The following GTF2E1 variants were observed in gnomAD, a reference collection of about 807,000 sequenced individuals.
GTF2E1 encodes the protein TFIIE alpha subunit.
GTF2E1 carries 14 observed loss-of-function variants against 34.9 expected under a neutral mutation model. That is an observed-to-expected ratio of 0.40 (90% CI 0.27 to 0.63). The LOEUF (loss-of-function observed/expected upper bound fraction) is 0.63, where lower values mean the gene tolerates loss of function less well. GTF2E1 is among the 20% of genes least tolerant of loss of function. GTF2E1 has a pLI of 0.39. For synonymous variants in GTF2E1, 188 were observed against 192.9 expected (o/e 0.97, Z 0.21); for missense variants, 469 against 557.7 (o/e 0.84, Z 1.60).
At chr3:120,775,126 T>C (rs1448126060) in intron 3 of GTF2E1, among the ~76,000 whole-genome samples, 1 of 151,828 alleles carries the variant, frequency 6.6e-6, no homozygotes, top group African/African-American at 2.4e-5. Context: ...CCCCAGTAGA[T>C]AAGAAGTGGA....
Position 120,761,397 on chromosome 3 carries a change from G to A in GTF2E1, c.449-9331G>A, listed in dbSNP as rs554769404. The stretch of plus-strand genomic sequence containing the variant: ...TCCTGGATTCATTGATTTTTTGGAA[G>A]GGTTTTTTGTGTCTTTATCTCCTTC... On this transcript the variant is annotated intron_variant, in intron 2 of 4. Coordinates refer to ENST00000283875, the MANE Select transcript of GTF2E1 (RefSeq NM_005513.3). Among the ~76,000 whole-genome samples, 26 of 152,146 alleles carry A rather than the reference G, an allele frequency of 1.7e-4. No individual in the cohort carries two copies. In the South Asian group the frequency reaches 4.8e-3, roughly 28 times the overall value.
intron 2 of GTF2E1, among the ~76,000 whole-genome samples, chr3:120,757,817 T>A (rs1241671562): frequency 6.6e-6 from 1 of 152,252 alleles, no homozygotes; most frequent in Non-Finnish European, 1.5e-5. Flanking sequence ...GGGAGTTGAA[T>A]GTTTTTGGAG....
intron 2 of GTF2E1, among the ~76,000 whole-genome samples, chr3:120,755,812 C>T (rs567280737): frequency 1.2e-3 from 177 of 152,156 alleles, no homozygotes; most frequent in Middle Eastern, 6.8e-3. Flanking sequence ...TCTGTGTCCC[C>T]GAATTCAATC....
Position 120,782,289 on chromosome 3 carries a change from G to A in GTF2E1, c.*819G>A, listed in dbSNP as rs1381366966. On this transcript the variant is annotated 3_prime_UTR_variant, in exon 5 of 5. Transcript: ENST00000283875. ...GATGGATCAATATGTAAGGGGAGGT[G>A]GGAGCGTGTGTGGAAGGGGGAGAGA... 1 of 152,168 alleles carries A rather than the reference G, an allele frequency of 6.6e-6. No homozygotes were observed. Among genetic ancestry groups the A allele is most frequent in the Non-Finnish European group, 1.5e-5 (1 of 68,034 alleles). 9.4% of individuals were successfully genotyped at this position (152,168 alleles called of 1,614,324 possible). A position where few individuals can be genotyped will look rare whatever the true frequency, so the allele number is the denominator to read the frequency against.
chr3:120,753,319 T>C (rs1181107363), intron 2 of GTF2E1, among the ~76,000 whole-genome samples: 1 of 152,164 alleles, frequency 6.6e-6, no homozygotes, highest in East Asian at 1.9e-4. Flanking sequence ...GAGGGAACTT[T>C]TTCTGCTGTA....
chr3:120,759,272 T>C (rs1709236640), intron 2 of GTF2E1, among the ~76,000 whole-genome samples: 1 of 152,212 alleles, frequency 6.6e-6, no homozygotes, highest in Admixed American at 6.5e-5. Context: ...CTTTGCCCAC[T>C]TTTTGATGGG....
At chr3:120,750,139 A>G (rs772887905) in intron 1 of GTF2E1, among the ~76,000 whole-genome samples, 1 of 152,248 alleles carries the variant, frequency 6.6e-6, no homozygotes, top group Non-Finnish European at 1.5e-5. Flanking sequence ...AAAGGAAACA[A>G]AGACACTTTT....
intron 1 of GTF2E1, among the ~76,000 whole-genome samples, chr3:120,745,284 C>G (rs566884412): frequency 1.3e-5 from 2 of 152,290 alleles, no homozygotes; most frequent in South Asian, 2.1e-4. Context: ...AATACTGGAA[C>G]TGAGATTTAA....
chr3:120,755,325 A>G (rs1222057608), intron 2 of GTF2E1, among the ~76,000 whole-genome samples: 2 of 152,128 alleles, frequency 1.3e-5, no homozygotes, highest in African/African-American at 4.8e-5. Flanking sequence ...GGCCCCATTC[A>G]TTGAGATTCC....
intron 1 of GTF2E1, among the ~76,000 whole-genome samples, chr3:120,744,894 A>T (rs180830596): frequency 6.6e-6 from 1 of 152,034 alleles, no homozygotes. Flanking sequence ...CTGAGTTCAT[A>T]CATTAACTGT....
At chr3:120,760,596 T>C (rs1276149727) in intron 2 of GTF2E1, among the ~76,000 whole-genome samples, 1 of 152,148 alleles carries the variant, frequency 6.6e-6, no homozygotes, top group Non-Finnish European at 1.5e-5. Flanking sequence ...TGAGATACAG[T>C]CCATCAATAC....
Position 120,781,708 on chromosome 3 carries a change from T to G in GTF2E1, c.*238T>G. The G allele has an allele frequency of 2.4e-6, 1 of 418,254 alleles. No homozygotes were observed. The highest frequency in any genetic ancestry group is 4.2e-5 in the South Asian group (1 of 23,582). 25.9% of individuals were successfully genotyped at this position (418,254 alleles called of 1,614,324 possible). A position where few individuals can be genotyped will look rare whatever the true frequency, so the allele number is the denominator to read the frequency against. On this transcript the variant is annotated 3_prime_UTR_variant, in exon 5 of 5. Coordinates refer to ENST00000283875, the MANE Select transcript of GTF2E1 (RefSeq NM_005513.3). ...TACAGTATTAATATTTTACTGTATT[T>G]TCTTTTCTTTTTTTTTTTTTTTTGG...
At chr3:120,744,057 A>G (rs1456935603) in intron 1 of GTF2E1, among the ~76,000 whole-genome samples, 2 of 152,208 alleles carry the variant, frequency 1.3e-5, no homozygotes, top group Non-Finnish European at 2.9e-5. Flanking sequence ...TCCTTCCCTA[A>G]TAACGCCAGC....
intron 2 of GTF2E1, 55 bp downstream of exon 2, chr3:120,751,055 C>A: frequency 9.1e-7 from 1 of 1,099,966 alleles, no homozygotes; most frequent in South Asian, 1.5e-5. Context: ...TACCTTTTTT[C>A]TTAAATTGAT....
chr3:120,751,930 A>G (rs1329491522), intron 2 of GTF2E1, among the ~76,000 whole-genome samples: 1 of 152,112 alleles, frequency 6.6e-6, no homozygotes, highest in African/African-American at 2.4e-5. Context: ...GACCCATGAA[A>G]TATTTGGTTG....
At chr3:120,772,009 T>A (rs760887099) in intron 3 of GTF2E1, among the ~76,000 whole-genome samples, 5 of 152,196 alleles carry the variant, frequency 3.3e-5, no homozygotes, top group South Asian at 2.1e-4. Flanking sequence ...GGGATCTAGA[T>A]TTGTTCCATC....
At chr3:120,756,671 A>G (rs1451826919) in intron 2 of GTF2E1, among the ~76,000 whole-genome samples, 1 of 152,116 alleles carries the variant, frequency 6.6e-6, no homozygotes, top group Non-Finnish European at 1.5e-5. Context: ...CATGCCTGTA[A>G]TCCCAGCACC....
At chr3:120,749,566 G>T (rs1190809323) in intron 1 of GTF2E1, among the ~76,000 whole-genome samples, 5 of 152,104 alleles carry the variant, frequency 3.3e-5, no homozygotes, top group South Asian at 2.1e-4. Flanking sequence ...TTATTGATTT[G>T]CGTATATTGA....
chr3:120,751,537 A>G (rs1709164748), intron 2 of GTF2E1, among the ~76,000 whole-genome samples: 2 of 152,204 alleles, frequency 1.3e-5, no homozygotes. Context: ...CTTTAGATAC[A>G]CATTATTGTT....
Sources: allele counts gnomAD v4.1 joint callset (sites outside exome capture counted in the v4.1 genomes callset), GRCh38; gene constraint gnomAD v4.1.1; transcripts MANE v1.5; gene names NCBI Gene and HGNC (gene_info 2026-07-23, HGNC 2026-07-21).